Variants in TNFAIP8L3 observed in about 807,000 individuals in gnomAD.
TNFAIP8L3 encodes tumor necrosis factor alpha-induced protein 8-like protein 3.
In TNFAIP8L3, 7 loss-of-function variants were observed where a neutral mutation model predicts 11.8. The observed-to-expected ratio is 0.59, with a 90% CI of 0.34 to 1.11. The LOEUF (loss-of-function observed/expected upper bound fraction) is 1.11. Ranked by LOEUF, TNFAIP8L3 falls within the 50% of genes most tolerant of loss-of-function variation. TNFAIP8L3 has a pLI of 0.03. For synonymous variants in TNFAIP8L3, 98 were observed against 103.8 expected (o/e 0.94, Z 0.34); for missense variants, 219 against 258.6 (o/e 0.85, Z 1.05).
At chr15:51,064,150 A>G (rs766949970) in intron 1 of TNFAIP8L3, among the ~76,000 whole-genome samples, 1 of 152,248 alleles carries the variant, frequency 6.6e-6, no homozygotes, top group Non-Finnish European at 1.5e-5. Context: ...AGAAAAGACA[A>G]CAACCAAGTA....
chr15:51,068,720 G>A (rs1477079943), intron 1 of TNFAIP8L3, among the ~76,000 whole-genome samples: 2 of 141,518 alleles, frequency 1.4e-5, no homozygotes, highest in Non-Finnish European at 3.0e-5. Context: ...AGGCTAGAGT[G>A]CAGTGGCACA....
At chr15:51,073,681 T>C (rs1418171847) in intron 1 of TNFAIP8L3, among the ~76,000 whole-genome samples, 3 of 152,256 alleles carry the variant, frequency 2.0e-5, no homozygotes, top group African/African-American at 4.8e-5. Context: ...TCCTGCTTTA[T>C]AACACCGGTA....
At chr15:51,058,856 T>A (rs1221536284) in intron 1 of TNFAIP8L3, among the ~76,000 whole-genome samples, 2 of 152,258 alleles carry the variant, frequency 1.3e-5, no homozygotes, top group Non-Finnish European at 2.9e-5. Context: ...GGCACGAATG[T>A]AGCCCCATTG....
At chr15:51,088,147 T>C (rs1172339858) in intron 1 of TNFAIP8L3, among the ~76,000 whole-genome samples, 1 of 151,886 alleles carries the variant, frequency 6.6e-6, no homozygotes, top group Non-Finnish European at 1.5e-5. Context: ...TTATGTAGTG[T>C]CTTTATAGAG....
chr15:51,094,255 C>T lies in TNFAIP8L3; in HGVS notation c.52+289G>A, dbSNP rs1260173015. On this transcript the variant is annotated intron_variant, in intron 1 of 1. Coordinates refer to ENST00000637513, the MANE Select transcript of TNFAIP8L3 (RefSeq NM_001311175.2). This position sits in a 1 kb window ranked among gnomAD's most constrained non-coding sequence, Gnocchi z 4.4. ...CCTCTCTGCAGCAAACTACAGTACG[C>T]GGATTCCCGAACCCTTCCCCGCCCC... Among the ~76,000 whole-genome samples the T allele has an allele frequency of 6.6e-6, 1 of 152,186 alleles. No homozygotes were observed. The highest frequency in any genetic ancestry group is 2.4e-5 in the African/African-American group (1 of 41,440).
chr15:51,091,327 A>G (rs1297988465), intron 1 of TNFAIP8L3, among the ~76,000 whole-genome samples: 1 of 152,210 alleles, frequency 6.6e-6, no homozygotes, highest in Non-Finnish European at 1.5e-5. Flanking sequence ...GTCTCTTGAA[A>G]GTAGTACAGT....
chr15:51,096,224 G>C (rs1230034355), upstream of TNFAIP8L3, among the ~76,000 whole-genome samples: 2 of 152,262 alleles, frequency 1.3e-5, no homozygotes, highest in East Asian at 1.9e-4. Context: ...CTACCTGAAG[G>C]CTGCCGTCTT....
chr15:51,076,339 C>A (rs1295035878), intron 1 of TNFAIP8L3, among the ~76,000 whole-genome samples: 1 of 152,164 alleles, frequency 6.6e-6, no homozygotes, highest in Non-Finnish European at 1.5e-5. Flanking sequence ...GTGATGGAAC[C>A]ACTCTGAGTC....
At chr15:51,082,714 T>C (rs569854753) in intron 1 of TNFAIP8L3, among the ~76,000 whole-genome samples, 113 of 152,292 alleles carry the variant, frequency 7.4e-4, no homozygotes, top group African/African-American at 2.6e-3. Flanking sequence ...CTTTATTCTA[T>C]AAGCTTTTTT....
rs148844167 is a variant in TNFAIP8L3, at chr15:51,059,492, T to A, written c.53-1049A>T. Among the ~76,000 whole-genome samples the A allele has an allele frequency of 2.6e-4, 39 of 152,304 alleles. No homozygotes were observed. In the East Asian group the frequency reaches 6.2e-3, roughly 24 times the overall value. ...TGAAATACTCTACAAGGCCACCAAT[T>A]AGCTGGAGCTGACATCTGAAATGAA... is the stretch of plus-strand genomic sequence containing the variant. On this transcript the variant is annotated intron_variant, in intron 1 of 1. Transcript: ENST00000637513.
intron 1 of TNFAIP8L3, among the ~76,000 whole-genome samples, chr15:51,103,047 C>CTTCT (rs1339396943): frequency 2.0e-5 from 3 of 152,102 alleles, no homozygotes; most frequent in Non-Finnish European, 4.4e-5. Flanking sequence ...CTTCCCTTTT[C>CTTCT]TTCTTTTCTG....
chr15:51,062,852 T>G (rs2065249423), intron 1 of TNFAIP8L3, among the ~76,000 whole-genome samples: 1 of 152,172 alleles, frequency 6.6e-6, no homozygotes, highest in South Asian at 2.1e-4. Context: ...TTGGAACCAC[T>G]GGATATGCTG....
chr15:51,094,505 C>A lies in TNFAIP8L3; in HGVS notation c.52+39G>T. The A allele has an allele frequency of 6.9e-7, 1 of 1,458,600 alleles. No homozygotes were observed. Among genetic ancestry groups the A allele is most frequent in the South Asian group, 1.3e-5 (1 of 76,850 alleles). 90.4% of individuals were successfully genotyped at this position (1,458,600 alleles called of 1,614,324 possible). ...GCCCCAGCCTCCCGTCCTCCCCAGC[C>A]CCAGCCCACCCGCCTGGGCCGTCGC... On this transcript the variant is annotated intron_variant, in intron 1 of 1. Coordinates refer to ENST00000637513, the MANE Select transcript of TNFAIP8L3 (RefSeq NM_001311175.2). This position sits in a 1 kb window ranked among gnomAD's most constrained non-coding sequence, Gnocchi z 4.4.
At chr15:51,063,657 T>G (rs1348797393) in intron 1 of TNFAIP8L3, among the ~76,000 whole-genome samples, 4 of 152,240 alleles carry the variant, frequency 2.6e-5, no homozygotes, top group Non-Finnish European at 5.9e-5. Context: ...GCATTTACTC[T>G]TAGTGTGGCT....
intron 1 of TNFAIP8L3, among the ~76,000 whole-genome samples, chr15:51,104,019 T>G (rs181962221): frequency 1.3e-5 from 2 of 152,290 alleles, no homozygotes; most frequent in Admixed American, 1.3e-4. Flanking sequence ...GTGAGGTCAG[T>G]GCAACCATTC....
upstream of TNFAIP8L3, among the ~76,000 whole-genome samples, chr15:51,095,636 A>G (rs74013136): frequency 0.017 from 2,636 of 150,858 alleles, 94 homozygotes; most frequent in African/African-American, 0.061. Flanking sequence ...CTTCCGTAAC[A>G]CCATCCTTTA....
intron 1 of TNFAIP8L3, among the ~76,000 whole-genome samples, chr15:51,074,100 A>G (rs2065332585): frequency 6.6e-6 from 1 of 152,206 alleles, no homozygotes; most frequent in Non-Finnish European, 1.5e-5. Flanking sequence ...CAAAAGTGAG[A>G]TTGGTCTATA....
At chr15:51,071,678 C>T (rs2065309846) in intron 1 of TNFAIP8L3, among the ~76,000 whole-genome samples, 1 of 152,208 alleles carries the variant, frequency 6.6e-6, no homozygotes, top group African/African-American at 2.4e-5. Flanking sequence ...CTTGTGCGCA[C>T]ACACACAACA....
chr15:51,101,292 A>T (rs1219542383), intron 1 of TNFAIP8L3, among the ~76,000 whole-genome samples: 1 of 152,200 alleles, frequency 6.6e-6, no homozygotes, highest in South Asian at 2.1e-4. Context: ...AGACCTGTGT[A>T]GCCAGTTACC....
Sources: gnomAD v4.1 joint callset for allele counts (sites outside exome capture counted in the v4.1 genomes callset) on GRCh38, gnomAD v4.1.1 for gene constraint, Gnocchi (gnomAD v3.1) non-coding constraint, MANE v1.5 for transcripts, NCBI Gene and HGNC (gene_info 2026-07-23, HGNC 2026-07-21) for gene names.